Variants in KIAA1217 observed in about 807,000 individuals in gnomAD.
The protein encoded by KIAA1217 is sickle tail protein homolog.
KIAA1217 carries 88 observed loss-of-function variants against 163.9 expected under a neutral mutation model. That is an observed-to-expected ratio of 0.54 (90% CI 0.45 to 0.64). The LOEUF is 0.64. KIAA1217 is among the 30% of genes least tolerant of loss of function. KIAA1217 has a pLI of 0.00. For synonymous variants in KIAA1217, 903 were observed against 923.1 expected (o/e 0.98, Z 0.39); for missense variants, 2,372 against 2,475.0 (o/e 0.96, Z 0.88).
At chr10:24,407,907 G>T (rs1258578642) in intron 3 of KIAA1217, among the ~76,000 whole-genome samples, 1 of 152,078 alleles carries the variant, frequency 6.6e-6, no homozygotes, top group African/African-American at 2.4e-5. Flanking sequence ...GAATTTTTTG[G>T]TTTAAGACCC....
At chr10:23,782,465 T>G (rs1835301250) in intron 1 of KIAA1217, among the ~76,000 whole-genome samples, 1 of 152,202 alleles carries the variant, frequency 6.6e-6, no homozygotes, top group Non-Finnish European at 1.5e-5. Context: ...AGAGTCTAGT[T>G]CTGTCACCCA....
intron 5 of KIAA1217, among the ~76,000 whole-genome samples, chr10:24,438,883 A>G (rs2131988398): frequency 6.6e-6 from 1 of 152,328 alleles, no homozygotes; most frequent in African/African-American, 2.4e-5. Flanking sequence ...AAATCTATTC[A>G]TACTCTTACA....
chr10:24,018,497 A>G (rs1847587694), intron 2 of KIAA1217, among the ~76,000 whole-genome samples: 1 of 151,970 alleles, frequency 6.6e-6, no homozygotes. Context: ...AACATGGCAC[A>G]TGTATACATA....
intron 3 of KIAA1217, among the ~76,000 whole-genome samples, chr10:24,424,070 AT>A (rs201595833): frequency 0.079 from 11,608 of 147,144 alleles, 420 homozygotes; most frequent in African/African-American, 0.12. Context: ...GTTATTCCAA[AT>A]TTTTTTTTTT....
At chr10:24,242,227 T>A (rs567994890) in intron 2 of KIAA1217, among the ~76,000 whole-genome samples, 1 of 152,252 alleles carries the variant, frequency 6.6e-6, no homozygotes, top group East Asian at 1.9e-4. Context: ...CAATAGGTAG[T>A]TTTTTAACCC....
intron 2 of KIAA1217, among the ~76,000 whole-genome samples, chr10:24,105,127 G>A (rs2062574272): frequency 6.6e-6 from 1 of 152,090 alleles, no homozygotes; most frequent in Non-Finnish European, 1.5e-5. Context: ...AGAGATGCAT[G>A]CCAACTAACT....
In KIAA1217 at chr10:23,831,436, G is replaced by A. The variant is rs75807160; in HGVS notation, c.-321+136202G>A. On this transcript the variant is annotated intron_variant, in intron 1 of 18. Coordinates refer to the KIAA1217 transcript ENST00000376462. ...AATACATAAGGAATTCAAACAACTCGATAGCCCATTAAAAGAAAGGGCAAA... is the reference window on the plus strand; with the variant it reads ...AATACATAAGGAATTCAAACAACTCAATAGCCCATTAAAAGAAAGGGCAAA... Among the ~76,000 whole-genome samples the A allele has an allele frequency of 1.2e-3, 188 of 152,064 alleles. 11 individuals are homozygous for A. The East Asian group carries it at 0.027, about 22-fold the overall frequency.
At chr10:24,362,937 T>TA (rs147721137) in intron 2 of KIAA1217, among the ~76,000 whole-genome samples, 31,774 of 147,744 alleles carry the variant, frequency 0.22, 3,486 homozygotes, top group South Asian at 0.35. Context: ...CAAATTTAAT[T>TA]AAAAAAAAAG....
intron 1 of KIAA1217, among the ~76,000 whole-genome samples, chr10:23,892,529 G>A (rs1305957819): frequency 6.6e-6 from 1 of 151,828 alleles, no homozygotes; most frequent in African/African-American, 2.4e-5. Flanking sequence ...GGAGTCTGCT[G>A]GCAAACTCTG....
chr10:24,293,163 C>T (rs897276141), intron 2 of KIAA1217, among the ~76,000 whole-genome samples: 12 of 152,182 alleles, frequency 7.9e-5, no homozygotes, highest in African/African-American at 2.9e-4. Flanking sequence ...TTGCCTCAGC[C>T]TCCCGAGTAG....
intron 2 of KIAA1217, among the ~76,000 whole-genome samples, chr10:24,087,590 G>A (rs962776372): frequency 1.3e-5 from 2 of 152,152 alleles, no homozygotes; most frequent in African/African-American, 2.4e-5. Flanking sequence ...ATGAATTAGC[G>A]AAAGGCTGTA....
chr10:23,997,028 A>C (rs1178507175), intron 1 of KIAA1217, among the ~76,000 whole-genome samples: 1 of 152,240 alleles, frequency 6.6e-6, no homozygotes, highest in African/African-American at 2.4e-5. Context: ...GGATGACTTG[A>C]GAATTGAAAA....
intron 1 of KIAA1217, among the ~76,000 whole-genome samples, chr10:23,815,569 G>A (rs1233759737): frequency 1.3e-5 from 2 of 152,124 alleles, no homozygotes; most frequent in Non-Finnish European, 2.9e-5. Flanking sequence ...ACGTGAACCT[G>A]GGAGGCAGAG....
chr10:24,106,269 T>TA (rs1288698284), intron 2 of KIAA1217, among the ~76,000 whole-genome samples: 2 of 152,106 alleles, frequency 1.3e-5, no homozygotes, highest in Non-Finnish European at 2.9e-5. Flanking sequence ...CAATTAGGTG[T>TA]AGCCATGTAA....
At chr10:23,893,088 C>G (rs1030766222) in intron 1 of KIAA1217, among the ~76,000 whole-genome samples, 4 of 152,026 alleles carry the variant, frequency 2.6e-5, no homozygotes, top group African/African-American at 9.7e-5. Flanking sequence ...CCTTGTACCT[C>G]TGGTAGAATT....
chr10:23,754,641 C>T (rs901235864), intron 1 of KIAA1217, among the ~76,000 whole-genome samples: 2 of 152,204 alleles, frequency 1.3e-5, no homozygotes, highest in African/African-American at 4.8e-5. Flanking sequence ...TCCTTTTTAT[C>T]TTTAATGTCC....
chr10:24,447,098 C>T (rs1205669014), intron 5 of KIAA1217, among the ~76,000 whole-genome samples: 8 of 152,154 alleles, frequency 5.3e-5, no homozygotes, highest in Admixed American at 5.2e-4. Flanking sequence ...CTTCTCGAAA[C>T]TTCCATAGAA....
At chr10:24,369,904 T>C (rs1048529116) in intron 2 of KIAA1217, among the ~76,000 whole-genome samples, 9 of 152,236 alleles carry the variant, frequency 5.9e-5, no homozygotes, top group African/African-American at 2.2e-4. Context: ...GCATTACTTT[T>C]CTTGTTTCAG....
intron 8 of KIAA1217, among the ~76,000 whole-genome samples, chr10:24,500,094 C>G (rs1008688815): frequency 6.6e-6 from 1 of 152,214 alleles, no homozygotes; most frequent in South Asian, 2.1e-4. Flanking sequence ...ACTATAGCCA[C>G]TCCAGGGTCT....
Sources: gnomAD v4.1 joint callset for allele counts (sites outside exome capture counted in the v4.1 genomes callset) on GRCh38, gnomAD v4.1.1 for gene constraint, MANE v1.5 for transcripts, NCBI Gene and HGNC (gene_info 2026-07-23, HGNC 2026-07-21) for gene names.